Variants in MEIS2 observed in about 807,000 individuals in gnomAD.
MEIS2 encodes the protein homeobox protein Meis2.
Under a neutral mutation model 58.6 loss-of-function variants are expected in MEIS2, and 9 were observed. The observed-to-expected ratio is 0.15, with a 90% CI of 0.09 to 0.27. The LOEUF (loss-of-function observed/expected upper bound fraction) is 0.27. Among genes scored for constraint, MEIS2 ranks in the 10% least tolerant of loss-of-function variants. The probability of loss-of-function intolerance (pLI) is 1.00; values close to 1 mark genes in which losing one functional copy is unlikely to be tolerated. For synonymous variants in MEIS2, 221 were observed against 228.4 expected, an observed-to-expected ratio of 0.97 and a Z score of 0.29; for missense variants, 427 against 635.0, an observed-to-expected ratio of 0.67 and a Z score of 3.52.
intron 8 of MEIS2, among the ~76,000 whole-genome samples, chr15:36,963,241 A>G (rs935898932): frequency 6.6e-6 from 1 of 152,134 alleles, no homozygotes; most frequent in African/African-American, 2.4e-5. Flanking sequence ...TTAGCCGGGC[A>G]TGGTGGCAGG....
chr15:37,096,480 G>A (rs958047534), intron 2 of MEIS2, 50 bp from the exon 3 acceptor site: 5 of 1,590,206 alleles, frequency 3.1e-6, no homozygotes, highest in Non-Finnish European at 4.3e-6. Context: ...GGGGTGCAGA[G>A]GGGAAGGAGC....
At chr15:37,047,949 T>C (rs1191960039) in intron 7 of MEIS2, among the ~76,000 whole-genome samples, 1 of 152,216 alleles carries the variant, frequency 6.6e-6, no homozygotes, top group African/African-American at 2.4e-5. Context: ...CAAAATATTG[T>C]CACACAAAAT....
intron 9 of MEIS2, among the ~76,000 whole-genome samples, chr15:36,905,970 A>G (rs937107842): frequency 6.6e-6 from 1 of 152,224 alleles, no homozygotes; most frequent in Non-Finnish European, 1.5e-5. Context: ...GAAGTTAAAG[A>G]TAAAGATTAA....
chr15:36,911,129 ACCTTTT>A (rs1051898642), intron 9 of MEIS2, among the ~76,000 whole-genome samples: 29 of 151,500 alleles, frequency 1.9e-4, no homozygotes, highest in African/African-American at 6.5e-4. Context: ...TGTTTTCTCT[ACCTTTT>A]CCTTTCCTTA....
intron 6 of MEIS2, among the ~76,000 whole-genome samples, chr15:37,084,571 A>C (rs1892653073): frequency 6.6e-6 from 1 of 152,206 alleles, no homozygotes; most frequent in African/African-American, 2.4e-5. Flanking sequence ...CTGTCCATCT[A>C]GTAAGCTAGA....
rs549296314 is a variant in MEIS2 at position 36,892,470 on chromosome 15, A to G, written c.1148-11T>C. The G allele has an allele frequency of 1.6e-5, 26 of 1,608,474 alleles. No homozygotes were observed. The South Asian group carries it at 2.8e-4, about 17-fold the overall frequency. ...GCATGCTCTGCAAACCTGAAAATAG[A>G]GAGGGAAAAAGAAAGCGGGTCAAAT... On this transcript the variant is annotated splice_polypyrimidine_tract_variant and intron_variant, in intron 11 of 11. Coordinates refer to ENST00000561208, the MANE Select transcript of MEIS2 (RefSeq NM_170675.5).
chr15:36,932,306 C>T (rs576090379), intron 9 of MEIS2, among the ~76,000 whole-genome samples: 18 of 152,194 alleles, frequency 1.2e-4, no homozygotes, highest in Non-Finnish European at 2.1e-4. Context: ...GCATATGATG[C>T]GCCCTGGAAT....
intron 9 of MEIS2, among the ~76,000 whole-genome samples, chr15:36,914,811 C>A (rs1056368825): frequency 6.6e-6 from 1 of 151,864 alleles, no homozygotes; most frequent in African/African-American, 2.4e-5. Context: ...CACACTCTTT[C>A]GCAGAAGGCT....
intron 9 of MEIS2, among the ~76,000 whole-genome samples, chr15:36,940,264 A>G (rs1212465162): frequency 6.6e-6 from 1 of 152,166 alleles, no homozygotes; most frequent in Non-Finnish European, 1.5e-5. Context: ...AGTTTCTGAC[A>G]TATTATTTAG....
At chr15:36,999,007 C>A (rs897983815) in intron 8 of MEIS2, among the ~76,000 whole-genome samples, 1 of 152,222 alleles carries the variant, frequency 6.6e-6, no homozygotes, top group East Asian at 1.9e-4. Context: ...ACATTTAACA[C>A]GTTGGCTCTT....
intron 7 of MEIS2, among the ~76,000 whole-genome samples, chr15:37,043,498 G>A (rs969595335): frequency 2.0e-5 from 3 of 152,028 alleles, no homozygotes; most frequent in Non-Finnish European, 2.9e-5. Context: ...CTAAATTTAT[G>A]TAAATTAAAT....
chr15:36,919,352 G>T (rs972823971), intron 9 of MEIS2, among the ~76,000 whole-genome samples: 1 of 152,142 alleles, frequency 6.6e-6, no homozygotes, highest in Non-Finnish European at 1.5e-5. Context: ...ACCAAGTTGG[G>T]TGGATCACCT....
chr15:36,951,843 C>T (rs2058758410), intron 8 of MEIS2, among the ~76,000 whole-genome samples: 1 of 152,164 alleles, frequency 6.6e-6, no homozygotes, highest in South Asian at 2.1e-4. Context: ...CTTTTCCCCT[C>T]CTTTCCCCCT....
intron 8 of MEIS2, among the ~76,000 whole-genome samples, chr15:37,005,085 A>G (rs1051147441): frequency 6.6e-6 from 1 of 152,204 alleles, no homozygotes; most frequent in Admixed American, 6.5e-5. Flanking sequence ...CATAAAAACC[A>G]TGTTGAAACA....
intron 9 of MEIS2, among the ~76,000 whole-genome samples, chr15:36,906,936 C>T (rs190969193): frequency 1.5e-4 from 23 of 152,214 alleles, no homozygotes; most frequent in East Asian, 1.2e-3. Context: ...AGGACCAATT[C>T]GCTTTTTCTT....
chr15:37,005,513 A>G (rs1185312663), intron 8 of MEIS2, among the ~76,000 whole-genome samples: 1 of 152,058 alleles, frequency 6.6e-6, no homozygotes, highest in Non-Finnish European at 1.5e-5. Context: ...CCATCCAGAC[A>G]TTATTTACTA....
At chr15:37,063,620 C>A (rs1889539828) in intron 7 of MEIS2, among the ~76,000 whole-genome samples, 1 of 152,184 alleles carries the variant, frequency 6.6e-6, no homozygotes, top group Admixed American at 6.5e-5. Context: ...CTTGCTATTG[C>A]TGCCATATTT....
At chr15:36,986,803 T>G (rs2141533077) in intron 8 of MEIS2, among the ~76,000 whole-genome samples, 1 of 152,356 alleles carries the variant, frequency 6.6e-6, no homozygotes, top group African/African-American at 2.4e-5. Context: ...TCTGTTTTGC[T>G]TTTTAAGATT....
chr15:36,961,105 C>G, intron 8 of MEIS2, among the ~76,000 whole-genome samples: 1 of 152,058 alleles, frequency 6.6e-6, no homozygotes, highest in East Asian at 1.9e-4. Context: ...ACAACATTGT[C>G]TATCTTTGGG....
Sources: gnomAD v4.1 joint callset for allele counts (sites outside exome capture counted in the v4.1 genomes callset) on GRCh38, gnomAD v4.1.1 for gene constraint, MANE v1.5 for transcripts, NCBI Gene and HGNC (gene_info 2026-07-23, HGNC 2026-07-21) for gene names.